The following DCC variants were observed in gnomAD, a reference collection of about 807,000 sequenced individuals.
DCC encodes the protein netrin receptor DCC.
A neutral mutation model predicts 172.5 loss-of-function variants in DCC; 58 were observed. The observed-to-expected ratio is 0.34, with a 90% CI of 0.27 to 0.42. The LOEUF (loss-of-function observed/expected upper bound fraction) is 0.42, where lower values mean the gene tolerates loss of function less well. Among genes scored for constraint, DCC ranks in the 10% least tolerant of loss-of-function variants. The pLI, the probability that DCC is intolerant of heterozygous loss-of-function variation, is 1.00. For missense variants in DCC, 1,740 were observed against 1,791.0 expected (o/e 0.97, Z 0.51); for synonymous variants, 709 against 644.5 (o/e 1.10, Z -1.52).
At chr18:52,695,263 G>T (rs1396528207) in intron 1 of DCC, among the ~76,000 whole-genome samples, 1 of 152,100 alleles carries the variant, frequency 6.6e-6, no homozygotes, top group Non-Finnish European at 1.5e-5. Flanking sequence ...TAATTACTTT[G>T]TATTACTTTA....
intron 5 of DCC, among the ~76,000 whole-genome samples, chr18:53,004,708 G>C (rs1382373234): frequency 6.6e-6 from 1 of 151,016 alleles, no homozygotes; most frequent in East Asian, 1.9e-4. Flanking sequence ...TTGTTTGTTT[G>C]TTTGTTTTTT....
rs74484802 is a variant in DCC, at chr18:52,706,969, G to A, written c.92-45085G>A. ...ATAAAAGAGAGGGAGAGTTAACCAGGAGAGAAATGATGCAGAGGGATGGAG... is the reference window on the plus strand; with the variant it reads ...ATAAAAGAGAGGGAGAGTTAACCAGAAGAGAAATGATGCAGAGGGATGGAG... On this transcript the variant is annotated intron_variant, in intron 1 of 28. Coordinates refer to ENST00000442544, the MANE Select transcript of DCC (RefSeq NM_005215.4). Among the ~76,000 whole-genome samples, 510 of 152,320 alleles carry A rather than the reference G, an allele frequency of 3.3e-3. 4 individuals carry two copies. The highest frequency in any genetic ancestry group is 0.012 in the African/African-American group (486 of 41,580).
At chr18:52,651,394 G>A (rs1215178444) in intron 1 of DCC, among the ~76,000 whole-genome samples, 2 of 151,980 alleles carry the variant, frequency 1.3e-5, no homozygotes, top group East Asian at 1.9e-4. Flanking sequence ...TGTTGCCCAG[G>A]CTAGTCTCAA....
chr18:52,454,490 GT>G (rs148763685), intron 1 of DCC, among the ~76,000 whole-genome samples: 16 of 148,090 alleles, frequency 1.1e-4, no homozygotes, highest in African/African-American at 1.7e-4. Flanking sequence ...CTTTGAACTA[GT>G]TTTTTTTTTG....
At chr18:53,055,716 G>C (rs986496601) in intron 5 of DCC, among the ~76,000 whole-genome samples, 11 of 152,224 alleles carry the variant, frequency 7.2e-5, no homozygotes, top group African/African-American at 2.4e-4. Context: ...CAGATATGTA[G>C]GTAGGAGAAA....
intron 9 of DCC, among the ~76,000 whole-genome samples, chr18:53,180,311 C>G (rs922282058): frequency 6.6e-6 from 1 of 152,172 alleles, no homozygotes; most frequent in African/African-American, 2.4e-5. Flanking sequence ...GCAAGTACTA[C>G]AAATATTTGC....
At chr18:53,318,626 G>T (rs979864699) in intron 13 of DCC, among the ~76,000 whole-genome samples, 2 of 152,086 alleles carry the variant, frequency 1.3e-5, no homozygotes, top group African/African-American at 4.8e-5. Context: ...AAGTCTCTTT[G>T]TAGGTCCCTA....
chr18:53,250,773 T>G (rs1056415950), intron 12 of DCC, among the ~76,000 whole-genome samples: 3 of 151,906 alleles, frequency 2.0e-5, no homozygotes, highest in African/African-American at 7.2e-5. Context: ...AACTGCTTAC[T>G]CTCTGTTCTT....
chr18:52,788,824 C>T lies in DCC; in HGVS notation c.412+36450C>T, dbSNP rs114412962. ...ACAGACCCCCCAAAAATATTGGTGC[C>T]GTTTTATAATGGATTTTGGATCCCC... is the stretch of plus-strand genomic sequence containing the variant. On this transcript the variant is annotated intron_variant, in intron 2 of 28. Transcript: ENST00000442544. 3.2e-3 allele frequency among the ~76,000 whole-genome samples: 491 copies of T among 152,152 alleles called. 1 individual carries two copies. The highest frequency in any genetic ancestry group is 0.011 in the African/African-American group (442 of 41,514).
intron 2 of DCC, among the ~76,000 whole-genome samples, chr18:52,757,821 A>G (rs1039266781): frequency 1.3e-5 from 2 of 152,178 alleles, no homozygotes; most frequent in Non-Finnish European, 2.9e-5. Flanking sequence ...CCAAATTGAC[A>G]GGTTAAGAAC....
chr18:53,054,814 T>C (rs923725902), intron 5 of DCC, among the ~76,000 whole-genome samples: 3 of 152,124 alleles, frequency 2.0e-5, no homozygotes, highest in Non-Finnish European at 2.9e-5. Flanking sequence ...TCTCAGCAAA[T>C]TGTGCTCACG....
intron 2 of DCC, among the ~76,000 whole-genome samples, chr18:52,783,382 C>A (rs2145190670): frequency 9.8e-6 from 1 of 101,752 alleles, no homozygotes; most frequent in South Asian, 3.3e-4. Context: ...GGTTGAAGTA[C>A]ATAAAAATGC....
At position 53,179,077 on chromosome 18, in the gene DCC, G is replaced by A; in HGVS notation, c.1534G>A (p.Glu512Lys). 1.2e-6 allele frequency: 2 copies of A among 1,613,954 alleles called. No homozygotes were observed. The highest frequency in any genetic ancestry group is 1.7e-6 in the Non-Finnish European group (2 of 1,179,928). The part of the protein sequence containing the change: ...VVAYNEWGPG[E>K]SSQPIKVATQ... ...GGCTTACAATGAATGGGGACCGGGAGAGAGTTCTCAACCCATCAAGGTGGC... is the reference window on the plus strand; with the variant it reads ...GGCTTACAATGAATGGGGACCGGGAAAGAGTTCTCAACCCATCAAGGTGGC... Residue 512 changes from glutamate to lysine, a missense_variant, in exon 9 of 29, where the codon GAG (glutamate) becomes AAG (lysine). This residue lies in a region of DCC where 1,732 missense variants were observed against 1,767.4 expected (regional missense o/e 0.98). Transcript: ENST00000442544.
At chr18:52,748,652 C>G (rs1435031316) in intron 1 of DCC, among the ~76,000 whole-genome samples, 1 of 152,152 alleles carries the variant, frequency 6.6e-6, no homozygotes, top group East Asian at 1.9e-4. Flanking sequence ...TGTTACAGCT[C>G]CTTTTGCACC....
chr18:53,208,658 A>G (rs999088854), intron 11 of DCC, among the ~76,000 whole-genome samples: 1 of 152,196 alleles, frequency 6.6e-6, no homozygotes, highest in Non-Finnish European at 1.5e-5. Context: ...AAACACACAC[A>G]TTTGAGACAA....
At chr18:52,834,880 C>T (rs2038677969) in intron 2 of DCC, among the ~76,000 whole-genome samples, 1 of 150,760 alleles carries the variant, frequency 6.6e-6, no homozygotes, top group Non-Finnish European at 1.5e-5. Context: ...CAATTAACTA[C>T]TATATGTGTT....
intron 5 of DCC, among the ~76,000 whole-genome samples, chr18:53,009,738 A>G (rs62097939): frequency 0.46 from 69,691 of 151,662 alleles, 16,940 homozygotes; most frequent in Non-Finnish European, 0.55. Flanking sequence ...TATGTTGTAA[A>G]TTTTAAAACA....
intron 12 of DCC, among the ~76,000 whole-genome samples, chr18:53,220,898 G>A (rs1375110064): frequency 6.6e-6 from 1 of 152,078 alleles, no homozygotes; most frequent in African/African-American, 2.4e-5. Context: ...TGTAAGGAAG[G>A]CAATATTTCC....
intron 1 of DCC, among the ~76,000 whole-genome samples, chr18:52,619,316 T>C (rs1462428021): frequency 6.6e-6 from 1 of 152,248 alleles, no homozygotes; most frequent in Non-Finnish European, 1.5e-5. Context: ...CTGCTAGATA[T>C]ATTAGATATA....
Sources: allele counts gnomAD v4.1 joint callset (sites outside exome capture counted in the v4.1 genomes callset), GRCh38; gene constraint gnomAD v4.1.1; regional missense constraint gnomAD v4.1.1; transcripts MANE v1.5; gene names NCBI Gene and HGNC (gene_info 2026-07-23, HGNC 2026-07-21).